The following ZEB1 variants were observed in gnomAD, a reference collection of about 807,000 sequenced individuals.
The protein encoded by ZEB1 is zinc finger E-box binding homeobox 1, also known as zinc finger E-box-binding homeobox 1.
Under a neutral mutation model 84.9 loss-of-function variants are expected in ZEB1, and 21 were observed. That is an observed-to-expected ratio of 0.25 (90% CI 0.18 to 0.36). The LOEUF (loss-of-function observed/expected upper bound fraction) is 0.36, where lower values mean the gene tolerates loss of function less well. ZEB1 is among the 10% of genes least tolerant of loss of function. ZEB1 has a pLI of 1.00. For synonymous variants in ZEB1, 420 were observed against 471.1 expected, an observed-to-expected ratio of 0.89 and a Z score of 1.41; for missense variants, 1,104 against 1,330.2, an observed-to-expected ratio of 0.83 and a Z score of 2.65.
chr10:31,510,102 T>G (rs1195207176), intron 4 of ZEB1, among the ~76,000 whole-genome samples: 2 of 152,156 alleles, frequency 1.3e-5, no homozygotes, highest in African/African-American at 4.8e-5. Flanking sequence ...ACACACTATT[T>G]TTTTGGTCTG....
At chr10:31,354,435 G>C (rs2041803198) in intron 1 of ZEB1, among the ~76,000 whole-genome samples, 1 of 152,038 alleles carries the variant, frequency 6.6e-6, no homozygotes, top group Non-Finnish European at 1.5e-5. Context: ...ACTTTTTAAT[G>C]TCTCTTTTTG....
chr10:31,443,479 G>A (rs934575121), intron 1 of ZEB1, among the ~76,000 whole-genome samples: 11 of 149,226 alleles, frequency 7.4e-5, no homozygotes, highest in African/African-American at 1.5e-4. Flanking sequence ...AGTTACATAC[G>A]TATACATGTG....
chr10:31,495,428 A>G (rs1355591794), intron 2 of ZEB1, among the ~76,000 whole-genome samples: 1 of 151,946 alleles, frequency 6.6e-6, no homozygotes, highest in Non-Finnish European at 1.5e-5. Context: ...TATCTTCGTG[A>G]GTTTGGTAAG....
At chr10:31,342,963 T>C (rs1440071208) in intron 1 of ZEB1, among the ~76,000 whole-genome samples, 1 of 152,178 alleles carries the variant, frequency 6.6e-6, no homozygotes, top group Non-Finnish European at 1.5e-5. Flanking sequence ...ACAAAATTTT[T>C]GTTTGTGTTT....
At chr10:31,502,731 C>T (rs220057) in intron 4 of ZEB1, among the ~76,000 whole-genome samples, 122,502 of 152,106 alleles carry the variant, frequency 0.81, 52,386 homozygotes, top group Non-Finnish European at 0.95. Context: ...TGCCACTGCA[C>T]GTGAAATGCT....
At chr10:31,479,713 T>C (rs777999178) in intron 2 of ZEB1, among the ~76,000 whole-genome samples, 3 of 151,984 alleles carry the variant, frequency 2.0e-5, no homozygotes, top group Non-Finnish European at 4.4e-5. Flanking sequence ...TTGTTAAGTA[T>C]GTAGTAAGTA....
chr10:31,382,200 A>ACCAG (rs2047817084), intron 1 of ZEB1, among the ~76,000 whole-genome samples: 1 of 151,816 alleles, frequency 6.6e-6, no homozygotes, highest in Non-Finnish European at 1.5e-5. Flanking sequence ...CATATGTGAA[A>ACCAG]CCAGCCCCTT....
At position 31,386,866 on chromosome 10, in the gene ZEB1, T is replaced by C. The variant is rs11008479; in HGVS notation, c.58+67574T>C. Among the ~76,000 whole-genome samples the C allele has an allele frequency of 9.6e-4, 146 of 152,282 alleles. 1 individual carries two copies. In the East Asian group the frequency reaches 0.019, roughly 20 times the overall value. ...TTTGGCAACCTACAGTTTTTCTGTA[T>C]TTTTTCAACTTCTCAACTTCCCAGT... On this transcript the variant is annotated intron_variant, in intron 1 of 8. Coordinates refer to ENST00000424869, the MANE Select transcript of ZEB1 (RefSeq NM_001174096.2).
At chr10:31,390,886 T>A (rs1177359377) in intron 1 of ZEB1, among the ~76,000 whole-genome samples, 1 of 152,182 alleles carries the variant, frequency 6.6e-6, no homozygotes, top group East Asian at 1.9e-4. Context: ...TTTAATGTAT[T>A]GATTTTAGTA....
intron 1 of ZEB1, among the ~76,000 whole-genome samples, chr10:31,390,851 C>A (rs1272265135): frequency 1.3e-5 from 2 of 152,276 alleles, no homozygotes; most frequent in Admixed American, 1.3e-4. Context: ...AGAGGAACAT[C>A]TTTCCGTTTT....
At chr10:31,477,803 A>C (rs2064449294) in intron 2 of ZEB1, among the ~76,000 whole-genome samples, 1 of 152,034 alleles carries the variant, frequency 6.6e-6, no homozygotes, top group Admixed American at 6.6e-5. Flanking sequence ...GAAATTGGCC[A>C]ACCACATGCA....
intron 4 of ZEB1, among the ~76,000 whole-genome samples, chr10:31,505,979 A>G (rs1565152695): frequency 6.6e-6 from 1 of 151,890 alleles, no homozygotes; most frequent in Admixed American, 6.6e-5. Context: ...TTTTAATTTC[A>G]TTTAAAGAAA....
intron 2 of ZEB1, 136 bp from the exon 3 acceptor site, chr10:31,495,640 A>T (rs898153902): frequency 1.2e-6 from 1 of 803,630 alleles, no homozygotes; most frequent in Non-Finnish European, 2.1e-6. Flanking sequence ...TGGGGAGTAC[A>T]TGTGATATTT....
intron 2 of ZEB1, among the ~76,000 whole-genome samples, chr10:31,481,494 C>T (rs566014001): frequency 1.3e-5 from 2 of 152,020 alleles, no homozygotes; most frequent in South Asian, 2.1e-4. Context: ...ATAGTAAGTA[C>T]ACATAAATAA....
At chr10:31,388,452 C>T (rs2049029283) in intron 1 of ZEB1, among the ~76,000 whole-genome samples, 1 of 152,002 alleles carries the variant, frequency 6.6e-6, no homozygotes. Flanking sequence ...CGTTGTTCTT[C>T]CTATAGCTGT....
chr10:31,349,027 C>T (rs2040834023), intron 1 of ZEB1, among the ~76,000 whole-genome samples: 2 of 151,974 alleles, frequency 1.3e-5, no homozygotes, highest in African/African-American at 4.8e-5. Flanking sequence ...TGAATTTATT[C>T]CTCCTGTTTA....
intron 1 of ZEB1, among the ~76,000 whole-genome samples, chr10:31,415,505 T>A (rs1471576413): frequency 1.3e-5 from 2 of 151,956 alleles, no homozygotes; most frequent in African/African-American, 2.4e-5. Context: ...AGTAAAAGAT[T>A]CTTCTATACT....
At chr10:31,329,993 G>A (rs2036420401) in intron 1 of ZEB1, among the ~76,000 whole-genome samples, 1 of 151,904 alleles carries the variant, frequency 6.6e-6, no homozygotes, top group African/African-American at 2.4e-5. Context: ...TCTTTCTGTT[G>A]GCTTATCAGT....
At chr10:31,493,844 T>C (rs2066873654) in intron 2 of ZEB1, among the ~76,000 whole-genome samples, 1 of 151,990 alleles carries the variant, frequency 6.6e-6, no homozygotes. Context: ...GGGAAATAGG[T>C]CTGGGAGTAG....
Sources: allele counts gnomAD v4.1 joint callset (sites outside exome capture counted in the v4.1 genomes callset), GRCh38; gene constraint gnomAD v4.1.1; transcripts MANE v1.5; gene names NCBI Gene and HGNC (gene_info 2026-07-23, HGNC 2026-07-21).